Variants in CHD9 observed in about 807,000 individuals in gnomAD.
CHD9 encodes the protein ATP-dependent chromatin remodeler CHD9.
A neutral mutation model predicts 316.1 loss-of-function variants in CHD9; 77 were observed. The ratio of observed to expected loss-of-function variants is 0.24; its 90% confidence interval spans 0.20 to 0.29. CHD9 has a LOEUF of 0.29. Ranked by LOEUF, CHD9 falls within the 10% of genes least tolerant of loss-of-function variation. CHD9 has a pLI of 1.00. For missense variants in CHD9, 2,763 were observed against 3,438.1 expected, an observed-to-expected ratio of 0.80 and a Z score of 4.91; for synonymous variants, 1,129 against 1,158.3, an observed-to-expected ratio of 0.97 and a Z score of 0.51.
chr16:53,143,960 A>T (rs919287147), intron 1 of CHD9, among the ~76,000 whole-genome samples: 3 of 151,408 alleles, frequency 2.0e-5, no homozygotes, highest in African/African-American at 7.3e-5. Context: ...TGACCCAAAC[A>T]TTTTTTTTTC....
At chr16:53,318,189 A>T (rs2057021538) in intron 36 of CHD9, 23 bp from the exon 37 acceptor site, 1 of 1,584,976 alleles carries the variant, frequency 6.3e-7, no homozygotes, top group African/African-American at 1.4e-5. Context: ...CTTTAAAGAT[A>T]TGTCTTTATC....
At chr16:53,183,241 T>TAA (rs1315975559) in intron 2 of CHD9, among the ~76,000 whole-genome samples, 16 of 152,244 alleles carry the variant, frequency 1.1e-4, no homozygotes, top group Non-Finnish European at 2.2e-4. Context: ...TTTCTTTCCT[T>TAA]TTTTTAAGAA....
intron 1 of CHD9, among the ~76,000 whole-genome samples, chr16:53,079,952 C>G (rs910104817): frequency 2.0e-5 from 3 of 152,146 alleles, no homozygotes; most frequent in Non-Finnish European, 4.4e-5. Flanking sequence ...AGCTTTCTAG[C>G]AAATTATTGA....
intron 1 of CHD9, among the ~76,000 whole-genome samples, chr16:53,106,380 G>C (rs1183067287): frequency 6.6e-6 from 1 of 152,144 alleles, no homozygotes; most frequent in Non-Finnish European, 1.5e-5. Flanking sequence ...TCCTAAATGT[G>C]CTGTTTGGTG....
At chr16:53,091,003 C>T (rs1026667332) in intron 1 of CHD9, among the ~76,000 whole-genome samples, 1 of 144,310 alleles carries the variant, frequency 6.9e-6, no homozygotes, top group African/African-American at 2.9e-5. Context: ...AACAGCTCAC[C>T]CCCCCCCGAC....
At chr16:53,178,210 A>G (rs374755879) in intron 2 of CHD9, among the ~76,000 whole-genome samples, 29 of 152,298 alleles carry the variant, frequency 1.9e-4, no homozygotes, top group African/African-American at 6.0e-4. Context: ...TGTGAAGCCC[A>G]GGGAAGGAAC....
chr16:53,235,376 A>G, intron 11 of CHD9, 70 bp downstream of exon 11: 1 of 1,093,580 alleles, frequency 9.1e-7, no homozygotes, highest in Non-Finnish European at 1.3e-6. Flanking sequence ...AGTAAAATAG[A>G]TACTGTTGTT....
At chr16:53,270,130 G>C (rs1444940241) in intron 22 of CHD9, among the ~76,000 whole-genome samples, 1 of 151,170 alleles carries the variant, frequency 6.6e-6, no homozygotes, top group Non-Finnish European at 1.5e-5. Context: ...CTATAGCTGG[G>C]AGTACAGGCG....
intron 1 of CHD9, among the ~76,000 whole-genome samples, chr16:53,129,363 ACT>A (rs950613272): frequency 1.3e-5 from 2 of 152,074 alleles, no homozygotes; most frequent in Non-Finnish European, 2.9e-5. Flanking sequence ...CCAGAGATAA[ACT>A]CTTTCTGTGC....
Position 53,147,353 on chromosome 16 carries a change from ATT to A in CHD9, c.-164-8572_-164-8571del, listed in dbSNP as rs147793499. On this transcript the variant is annotated intron_variant, in intron 1 of 38. Transcript: ENST00000447540. ...TTCCTGACTTTCAAGATTGTTTTTA[ATT>A]GTAAGATCCATTTGACAAAATGTGC... 4.0e-3 allele frequency among the ~76,000 whole-genome samples: 604 copies of A among 152,322 alleles called. 4 individuals are homozygous for A. Among genetic ancestry groups the A allele is most frequent in the African/African-American group, 0.014 (576 of 41,566 alleles).
In CHD9 at chr16:53,222,774, T is replaced by C. The variant is rs2047354002; in HGVS notation, c.1896+19T>C. Reference sequence around the variant, plus strand: ...CTCTCAAGTGAGTATTACAATTTTTTCTAGAAATGAAACACTGTTAGAATG... The same window carrying C: ...CTCTCAAGTGAGTATTACAATTTTTCCTAGAAATGAAACACTGTTAGAATG... On this transcript the variant is annotated intron_variant, in intron 4 of 38. Coordinates refer to ENST00000447540, the MANE Select transcript of CHD9 (RefSeq NM_001308319.2). 8.4e-7 allele frequency: 1 copy of C among 1,191,984 alleles called. No homozygotes were observed. The highest frequency in any genetic ancestry group is 1.4e-5 in the South Asian group (1 of 72,862). 73.8% of individuals were successfully genotyped at this position (1,191,984 alleles called of 1,614,324 possible).
chr16:53,201,694 A>G (rs1293052587), intron 2 of CHD9, among the ~76,000 whole-genome samples: 2 of 152,144 alleles, frequency 1.3e-5, no homozygotes, highest in African/African-American at 4.8e-5. Flanking sequence ...CTGTCAATTT[A>G]TATGGCCACT....
At chr16:53,291,009 C>T (rs1364448815) in intron 27 of CHD9, among the ~76,000 whole-genome samples, 1 of 152,004 alleles carries the variant, frequency 6.6e-6, no homozygotes. Flanking sequence ...TACATGAATC[C>T]TCAGTTTCAA....
chr16:53,182,034 G>A (rs779160591), intron 2 of CHD9, among the ~76,000 whole-genome samples: 2 of 152,180 alleles, frequency 1.3e-5, no homozygotes, highest in South Asian at 2.1e-4. Flanking sequence ...AGCCGAGAGT[G>A]CACCGCTGCA....
intron 1 of CHD9, among the ~76,000 whole-genome samples, chr16:53,074,532 T>C (rs890120909): frequency 2.6e-5 from 4 of 152,148 alleles, no homozygotes; most frequent in Admixed American, 2.6e-4. Context: ...AAAAATGGTT[T>C]TGTGGATAGG....
rs867716745 is a variant in CHD9, at chr16:53,321,601, C to A, written c.7789C>A (p.Pro2597Thr). The A allele has an allele frequency of 6.5e-7, 1 of 1,534,158 alleles. No homozygotes were observed. Among genetic ancestry groups the A allele is most frequent in the South Asian group, 1.3e-5 (1 of 79,420 alleles). ...AGAAAATTCAGAATATGGAGTAGCTCCTGAATGGGGAGATGTTGTTAAGCA... is the reference window on the plus strand; with the variant it reads ...AGAAAATTCAGAATATGGAGTAGCTACTGAATGGGGAGATGTTGTTAAGCA... ...LKENSEYGVA[P>T]EWGDVVKQSG... The change falls in exon 38 of 39, where the codon CCT (proline) becomes ACT (threonine). Residue 2597 changes from proline (P) to threonine (T), a missense_variant. Coordinates refer to ENST00000447540, the MANE Select transcript of CHD9 (RefSeq NM_001308319.2).
intron 2 of CHD9, among the ~76,000 whole-genome samples, chr16:53,186,966 A>T (rs981336393): frequency 6.6e-6 from 1 of 152,164 alleles, no homozygotes; most frequent in African/African-American, 2.4e-5. Context: ...TCTTTATAGC[A>T]GTGGGAGAAC....
intron 1 of CHD9, among the ~76,000 whole-genome samples, chr16:53,155,396 A>C (rs2041445468): frequency 6.6e-6 from 1 of 151,620 alleles, no homozygotes; most frequent in African/African-American, 2.4e-5. Flanking sequence ...GTAGTTTTGA[A>C]ATTTTTTCTG....
In CHD9 at chr16:53,242,828, G is replaced by C. The variant is rs981582417; in HGVS notation, c.2878-12G>C. Reference sequence around the variant, plus strand: ...AATATTCCAGCAAATAATTATATTTGATCATTTCTAGGGGCGTATCATTCG... The same window carrying C: ...AATATTCCAGCAAATAATTATATTTCATCATTTCTAGGGGCGTATCATTCG... On this transcript the variant is annotated splice_polypyrimidine_tract_variant and intron_variant, in intron 12 of 38. Transcript: ENST00000447540. The C allele has an allele frequency of 1.9e-6, 3 of 1,592,962 alleles. No individual in the cohort carries two copies. Among genetic ancestry groups the C allele is most frequent in the African/African-American group, 2.7e-5 (2 of 73,646 alleles).
Sources: gnomAD v4.1 joint callset for allele counts (sites outside exome capture counted in the v4.1 genomes callset) on GRCh38, gnomAD v4.1.1 for gene constraint, MANE v1.5 for transcripts, NCBI Gene and HGNC (gene_info 2026-07-23, HGNC 2026-07-21) for gene names.